RIMS2: variants seen among roughly 807,000 people sequenced by gnomAD.
RIMS2 encodes the protein regulating synaptic membrane exocytosis 2.
Under a neutral mutation model 174.4 loss-of-function variants are expected in RIMS2, and 59 were observed. That is an observed-to-expected ratio of 0.34 (90% CI 0.27 to 0.42). The LOEUF is 0.42. RIMS2 is among the 10% of genes least tolerant of loss of function. The pLI is 1.00. For synonymous variants in RIMS2, 606 were observed against 572.5 expected, an observed-to-expected ratio of 1.06 and a Z score of -0.84; for missense variants, 1,620 against 1,666.3, an observed-to-expected ratio of 0.97 and a Z score of 0.48.
chr8:103,950,469 C>G (rs1468912410), intron 14 of RIMS2, among the ~76,000 whole-genome samples: 2 of 151,916 alleles, frequency 1.3e-5, no homozygotes, highest in Non-Finnish European at 2.9e-5. Context: ...ACCACGGATG[C>G]AATGTTTAAC....
At chr8:104,090,187 A>T (rs1258747472) in intron 19 of RIMS2, among the ~76,000 whole-genome samples, 9 of 151,768 alleles carry the variant, frequency 5.9e-5, no homozygotes, top group Admixed American at 5.9e-4. Flanking sequence ...TTACACTATT[A>T]TAACGCTGTG....
intron 19 of RIMS2, among the ~76,000 whole-genome samples, chr8:104,039,009 C>T (rs1461767479): frequency 2.0e-5 from 3 of 151,414 alleles, no homozygotes; most frequent in African/African-American, 4.8e-5. Context: ...TCATTTTCAT[C>T]ACCTTATTAA....
chr8:104,004,436 T>C (rs1467773801), intron 17 of RIMS2, among the ~76,000 whole-genome samples: 2 of 152,026 alleles, frequency 1.3e-5, no homozygotes, highest in East Asian at 3.8e-4. Flanking sequence ...AAATAATGAA[T>C]GAAAAATGCC....
At chr8:103,682,272 G>A (rs568798091) in intron 1 of RIMS2, among the ~76,000 whole-genome samples, 1 of 152,192 alleles carries the variant, frequency 6.6e-6, no homozygotes, top group Non-Finnish European at 1.5e-5. Context: ...GGATAAAAAT[G>A]CCTAAGAAGA....
intron 15 of RIMS2, among the ~76,000 whole-genome samples, chr8:103,967,170 G>GTTTTGTTTTTT (rs2092061492): frequency 4.0e-5 from 1 of 24,952 alleles, no homozygotes; most frequent in African/African-American, 2.1e-4. Context: ...ATCTGTTCTT[G>GTTTTGTTTTTT]TTTTTTTTTT....
intron 3 of RIMS2, among the ~76,000 whole-genome samples, chr8:103,867,472 C>T (rs867846599): frequency 1.3e-5 from 2 of 151,740 alleles, no homozygotes; most frequent in Admixed American, 6.6e-5. Flanking sequence ...TACTCTTTGT[C>T]ATCAGAACTA....
At chr8:103,522,120 T>A (rs1378279512) in intron 1 of RIMS2, among the ~76,000 whole-genome samples, 2 of 152,142 alleles carry the variant, frequency 1.3e-5, no homozygotes, top group Non-Finnish European at 2.9e-5. Context: ...TAAAGTATTT[T>A]TCCTCCATTC....
chr8:104,081,514 A>G (rs1332859648), intron 19 of RIMS2, among the ~76,000 whole-genome samples: 1 of 151,988 alleles, frequency 6.6e-6, no homozygotes. Context: ...AAGGCTGAAA[A>G]TCTTTATTTT....
intron 19 of RIMS2, among the ~76,000 whole-genome samples, chr8:104,070,347 A>G (rs533962561): frequency 6.6e-6 from 1 of 152,264 alleles, no homozygotes; most frequent in South Asian, 2.1e-4. Context: ...AAGTAAATTT[A>G]AGACAAATTA....
intron 1 of RIMS2, among the ~76,000 whole-genome samples, chr8:103,550,538 T>G (rs1847273472): frequency 1.3e-5 from 2 of 151,798 alleles, no homozygotes; most frequent in Admixed American, 6.6e-5. Flanking sequence ...ACATCACAAG[T>G]AAAAGAACTA....
chr8:103,936,607 A>G (rs199836073), exon 13 of RIMS2: 2 of 1,608,876 alleles, frequency 1.2e-6, no homozygotes, highest in African/African-American at 1.3e-5. Context: ...CCCAAATGGA[A>G]CCAAACATTC....
At chr8:104,123,756 G>A (rs1379714272) in intron 19 of RIMS2, among the ~76,000 whole-genome samples, 1 of 152,022 alleles carries the variant, frequency 6.6e-6, no homozygotes, top group Non-Finnish European at 1.5e-5. Flanking sequence ...ATGCAAATGG[G>A]CAAATGTTTA....
chr8:104,041,609 A>T (rs180681144), intron 19 of RIMS2, among the ~76,000 whole-genome samples: 12 of 151,820 alleles, frequency 7.9e-5, no homozygotes, highest in Non-Finnish European at 1.5e-4. Flanking sequence ...CATAAACTGA[A>T]TAACTAAAGG....
rs12542350 is a variant in RIMS2 at position 103,532,141 on chromosome 8, T to A, written c.176+31079T>A. Among the ~76,000 whole-genome samples, 1,015 of 152,366 alleles carry A rather than the reference T, an allele frequency of 6.7e-3. 38 individuals carry two copies. Among genetic ancestry groups the A allele is most frequent in the Admixed American group, 0.057 (875 of 15,306 alleles). ...TTGTTATGTTCCCAGTTAGATCATC[T>A]TCTTTCATTTTCTGGCTCTTCATTG... On this transcript the variant is annotated intron_variant, in intron 1 of 23. Transcript: ENST00000504942.
At chr8:104,158,977 A>G (rs2098743291) in intron 19 of RIMS2, among the ~76,000 whole-genome samples, 1 of 152,118 alleles carries the variant, frequency 6.6e-6, no homozygotes, top group Admixed American at 6.5e-5. Context: ...GCCCATGCCT[A>G]TATCCTGAAT....
intron 3 of RIMS2, among the ~76,000 whole-genome samples, chr8:103,814,700 C>T (rs973423337): frequency 3.9e-5 from 6 of 151,978 alleles, no homozygotes; most frequent in African/African-American, 1.5e-4. Flanking sequence ...CATAGTGAGA[C>T]CCCCTCCATC....
At chr8:104,061,986 C>A (rs1393374937) in intron 19 of RIMS2, among the ~76,000 whole-genome samples, 2 of 151,754 alleles carry the variant, frequency 1.3e-5, no homozygotes, top group East Asian at 3.9e-4. Context: ...CAAATGTGGT[C>A]AAAAATTTGA....
intron 1 of RIMS2, among the ~76,000 whole-genome samples, chr8:103,536,729 G>T (rs1198054414): frequency 2.0e-5 from 3 of 152,096 alleles, no homozygotes. Flanking sequence ...CCAGGAAGTG[G>T]TGCTAAACTA....
In RIMS2 at chr8:104,190,449, C is replaced by T. The variant is rs116186069; in HGVS notation, c.3335-54467C>T. On this transcript the variant is annotated intron_variant, in intron 19 of 23. Transcript: ENST00000504942. The stretch of plus-strand genomic sequence containing the variant: ...ACTTTCATCCAAAGGTCTAGTTCTA[C>T]GCTTTGGACTCATTTAGCTCCTATA... Among the ~76,000 whole-genome samples the T allele has an allele frequency of 6.0e-3, 918 of 152,164 alleles. 9 individuals are homozygous for T. The highest frequency in any genetic ancestry group is 0.021 in the African/African-American group (857 of 41,530).
Sources: gnomAD v4.1 joint callset for allele counts (sites outside exome capture counted in the v4.1 genomes callset) on GRCh38, gnomAD v4.1.1 for gene constraint, MANE v1.5 for transcripts, NCBI Gene and HGNC (gene_info 2026-07-23, HGNC 2026-07-21) for gene names.